The following KLHL18 variants were observed in gnomAD, a reference collection of about 807,000 sequenced individuals.
KLHL18 encodes the protein kelch like family member 18, also known as kelch-like protein 18.
KLHL18 carries 38 observed loss-of-function variants against 58.5 expected under a neutral mutation model. That is an observed-to-expected ratio of 0.65 (90% CI 0.50 to 0.85). The LOEUF is 0.85. KLHL18 is among the 40% of genes least tolerant of loss of function. The pLI, the probability that KLHL18 is intolerant of heterozygous loss-of-function variation, is 0.00. For missense variants in KLHL18, 624 were observed against 778.4 expected (o/e 0.80, Z 2.36); for synonymous variants, 303 against 301.9 (o/e 1.00, Z -0.04).
intron 1 of KLHL18, among the ~76,000 whole-genome samples, chr3:47,296,892 A>C (rs1242112804): frequency 6.6e-6 from 1 of 152,196 alleles, no homozygotes; most frequent in African/African-American, 2.4e-5. Flanking sequence ...GCTAAGAAAC[A>C]CCTGCAAATC....
At chr3:47,338,691 G>A (rs1704040253) in intron 7 of KLHL18, 4 of 152,176 alleles carry the variant, frequency 2.6e-5, no homozygotes, top group Admixed American at 2.0e-4. Context: ...GCATGGTGGC[G>A]GGCGCCTGTT....
intron 3 of KLHL18, among the ~76,000 whole-genome samples, chr3:47,328,664 C>T (rs920882320): frequency 2.0e-5 from 3 of 152,132 alleles, no homozygotes; most frequent in Non-Finnish European, 4.4e-5. Context: ...TCTCAAGGGA[C>T]TGTGAGCACC....
intron 5 of KLHL18, 138 bp downstream of exon 5, chr3:47,333,455 T>A: frequency 1.2e-6 from 1 of 824,122 alleles, no homozygotes; most frequent in South Asian, 2.0e-5. Flanking sequence ...GTCTGCCCTC[T>A]GTCTAGAAGC....
chr3:47,343,573 C>T lies in KLHL18; in HGVS notation c.1357C>T (p.His453Tyr), dbSNP rs1309005702. The T allele has an allele frequency of 6.2e-7, 1 of 1,613,674 alleles. No homozygotes were observed. Among genetic ancestry groups the T allele is most frequent in the Non-Finnish European group, 8.5e-7 (1 of 1,180,044 alleles). The change falls in exon 10 of 10, where the codon CAC becomes TAC. Residue 453 changes from histidine to tyrosine, a missense_variant. Coordinates refer to ENST00000232766, the MANE Select transcript of KLHL18 (RefSeq NM_025010.5). The stretch of plus-strand genomic sequence containing the variant: ...ACTGCAGGTGGAACACTACAACCAC[C>T]ACACAGCCACCTGGCACCCTGCAGC... Reference protein sequence around the residue: ...IFSSVEHYNHHTATWHPAAGM... With the variant: ...IFSSVEHYNHYTATWHPAAGM...
Position 47,319,746 on chromosome 3 carries a change from A to G in KLHL18, c.223A>G (p.Lys75Glu), listed in dbSNP as rs769986456. The part of the protein sequence containing the change: ...AMFTNDMMEC[K>E]QDEIVMQGMD... Reference sequence around the variant, plus strand: ...GTTTACAAATGACATGATGGAGTGCAAGCAGGATGAGATTGTAATGCAAGG... The same window carrying G: ...GTTTACAAATGACATGATGGAGTGCGAGCAGGATGAGATTGTAATGCAAGG... Residue 75 changes from lysine to glutamate, a missense_variant, in exon 2 of 10, where the codon AAG (lysine) becomes GAG (glutamate). Transcript: ENST00000232766. 2 of 1,613,904 alleles carry G rather than the reference A, an allele frequency of 1.2e-6. No homozygotes were observed. The highest frequency in any genetic ancestry group is 2.7e-5 in the African/African-American group (2 of 74,928).
At chr3:47,327,160 AC>A (rs1703744614) in intron 3 of KLHL18, among the ~76,000 whole-genome samples, 1 of 152,116 alleles carries the variant, frequency 6.6e-6, no homozygotes, top group South Asian at 2.1e-4. Flanking sequence ...AATCACTTGA[AC>A]CCAGGAGGCA....
At position 47,343,741 on chromosome 3, in the gene KLHL18, C is replaced by T; in HGVS notation, c.1525C>T (p.Pro509Ser). ...SVADQWCLIV[P>S]MHTRRSRVSL... The stretch of plus-strand genomic sequence containing the variant: ...GGCAGACCAGTGGTGCCTGATTGTC[C>T]CCATGCACACGCGCAGGAGCCGGGT... Residue 509 changes from proline (P) to serine (S), a missense_variant, in exon 10 of 10, where the codon CCC becomes TCC. Physicochemically the swap from Pro to Ser is moderately conservative, Grantham distance 74. Coordinates refer to ENST00000232766, the MANE Select transcript of KLHL18 (RefSeq NM_025010.5). 1 of 1,614,190 alleles carries T rather than the reference C, an allele frequency of 6.2e-7. No individual in the cohort carries two copies. The highest frequency in any genetic ancestry group is 8.5e-7 in the Non-Finnish European group (1 of 1,180,040).
intron 1 of KLHL18, among the ~76,000 whole-genome samples, chr3:47,306,345 T>G (rs1703147997): frequency 6.6e-6 from 1 of 152,176 alleles, no homozygotes; most frequent in Non-Finnish European, 1.5e-5. Context: ...TTTACAGATA[T>G]TATTTTCTAT....
At chr3:47,320,420 G>A (rs1220241601) in intron 2 of KLHL18, among the ~76,000 whole-genome samples, 2 of 152,112 alleles carry the variant, frequency 1.3e-5, no homozygotes, top group Non-Finnish European at 2.9e-5. Context: ...AGATCTTATG[G>A]TTATTTCATG....
At position 47,343,736 on chromosome 3, in the gene KLHL18, T is replaced by C; in HGVS notation, c.1520T>C (p.Ile507Thr). ...YSSVADQWCLIVPMHTRRSRV... is the reference protein window; with the variant it reads ...YSSVADQWCLTVPMHTRRSRV... Reference sequence around the variant, plus strand: ...TCTGTGGCAGACCAGTGGTGCCTGATTGTCCCCATGCACACGCGCAGGAGC... The same window carrying C: ...TCTGTGGCAGACCAGTGGTGCCTGACTGTCCCCATGCACACGCGCAGGAGC... The change falls in exon 10 of 10, where the codon ATT becomes ACT. Residue 507 changes from isoleucine to threonine, a missense_variant. Transcript: ENST00000232766. 1 of 1,614,214 alleles carries C rather than the reference T, an allele frequency of 6.2e-7. No homozygotes were observed. Among genetic ancestry groups the C allele is most frequent in the Non-Finnish European group, 8.5e-7 (1 of 1,180,040 alleles).
chr3:47,282,976 A>G lies in KLHL18; in HGVS notation c.11A>G (p.Asp4Gly). The change falls in exon 1 of 10, where the codon GAC (aspartate) becomes GGC (glycine). Residue 4 changes from aspartate (D) to glycine (G), a missense_variant. By Grantham distance (94) the Asp-to-Gly change is moderately conservative. Transcript: ENST00000232766. The stretch of plus-strand genomic sequence containing the variant: ...CAGCGGCCGGGGAAGATGGTGGAGG[A>G]CGGCGCGGAGGAGCTGGAGGATCTG... MVE[D>G]GAEELEDLVH... 6.2e-7 allele frequency: 1 copy of G among 1,610,234 alleles called. No homozygotes were observed. The highest frequency in any genetic ancestry group is 8.5e-7 in the Non-Finnish European group (1 of 1,178,708).
At chr3:47,329,908 T>G in intron 3 of KLHL18, 43 bp from the exon 4 acceptor site, 2 of 1,537,296 alleles carry the variant, frequency 1.3e-6, no homozygotes, top group Non-Finnish European at 1.8e-6. Flanking sequence ...AAAGATAACA[T>G]CCTTTCTTCC....
chr3:47,326,404 T>C (rs943368024), intron 3 of KLHL18, among the ~76,000 whole-genome samples: 4 of 152,214 alleles, frequency 2.6e-5, no homozygotes, highest in Non-Finnish European at 4.4e-5. Context: ...AAAGTCAAGC[T>C]GTGTCAGCAA....
intron 4 of KLHL18, among the ~76,000 whole-genome samples, chr3:47,331,455 C>CA (rs1703858515): frequency 1.2e-5 from 1 of 80,906 alleles, no homozygotes; most frequent in Non-Finnish European, 2.1e-5. Flanking sequence ...TTTTGTGAGA[C>CA]AGAGTCTCAC....
intron 3 of KLHL18, among the ~76,000 whole-genome samples, chr3:47,324,472 A>G (rs990802852): frequency 6.6e-6 from 1 of 150,934 alleles, no homozygotes; most frequent in African/African-American, 2.4e-5. Context: ...GGGGCTTTTG[A>G]GATTGTCACT....
intron 3 of KLHL18, 144 bp from the exon 4 acceptor site, chr3:47,329,807 G>A: frequency 1.5e-6 from 1 of 665,052 alleles, no homozygotes; most frequent in South Asian, 1.9e-5. Context: ...TTTAGAAGTT[G>A]AGTCCCAGAG....
intron 1 of KLHL18, among the ~76,000 whole-genome samples, chr3:47,308,333 A>G (rs1703197161): frequency 6.6e-6 from 1 of 151,966 alleles, no homozygotes; most frequent in African/African-American, 2.4e-5. Context: ...TTGGGTTTCC[A>G]TTGAACCTGT....
rs1465886051 is a variant in KLHL18 at position 47,322,678 on chromosome 3, A to G, written c.371A>G (p.Lys124Arg). The change falls in exon 3 of 10, where the codon AAA becomes AGA. Residue 124 changes from lysine (K) to arginine (R), a missense_variant. By Grantham distance (26) the Lys-to-Arg change is conservative. Transcript: ENST00000232766. ...AGCTTCCTGCAGCTGCAGAGCATCAAAGACGCCTGCTGCACATTCCTTCGA... is the reference window on the plus strand; with the variant it reads ...AGCTTCCTGCAGCTGCAGAGCATCAGAGACGCCTGCTGCACATTCCTTCGA... ...GASFLQLQSIKDACCTFLRER... is the reference protein window; with the variant it reads ...GASFLQLQSIRDACCTFLRER... 1 of 1,602,720 alleles carries G rather than the reference A, an allele frequency of 6.2e-7. No homozygotes were observed. The highest frequency in any genetic ancestry group is 1.7e-4 in the Middle Eastern group (1 of 5,976).
intron 6 of KLHL18, 66 bp from the exon 7 acceptor site, chr3:47,336,469 C>T: frequency 7.4e-7 from 1 of 1,349,956 alleles, no homozygotes; most frequent in East Asian, 2.4e-5. Context: ...ATAATCAATG[C>T]CCAATAGCTG....
Sources: gnomAD v4.1 joint callset for allele counts (sites outside exome capture counted in the v4.1 genomes callset) on GRCh38, gnomAD v4.1.1 for gene constraint, MANE v1.5 for transcripts, NCBI Gene and HGNC (gene_info 2026-07-23, HGNC 2026-07-21) for gene names.